Variants in KCNC4 observed in about 807,000 individuals in gnomAD.
The protein encoded by KCNC4 is voltage-gated potassium channel KCNC4.
A neutral mutation model predicts 42.8 loss-of-function variants in KCNC4; 23 were observed. That is an observed-to-expected ratio of 0.54 (90% CI 0.39 to 0.76). The LOEUF is 0.76. KCNC4 is among the 30% of genes least tolerant of loss of function. KCNC4 has a pLI of 0.00. For synonymous variants in KCNC4, 422 were observed against 393.5 expected, an observed-to-expected ratio of 1.07 and a Z score of -0.86; for missense variants, 751 against 898.2, an observed-to-expected ratio of 0.84 and a Z score of 2.10.
chr1:110,275,732 G>A (rs1484040825), intron 1 of KCNC4, among the ~76,000 whole-genome samples: 1 of 152,044 alleles, frequency 6.6e-6, no homozygotes, highest in Non-Finnish European at 1.5e-5. Flanking sequence ...GCCGAGGCGG[G>A]TGGATCATGA....
intron 1 of KCNC4, chr1:110,220,878 C>T (rs747077793): frequency 2.0e-5 from 3 of 152,210 alleles, no homozygotes; most frequent in Admixed American, 2.0e-4. Context: ...CTTAAATTTA[C>T]CTTCACAGGG....
Position 110,224,781 on chromosome 1 carries a change from T to G in KCNC4, c.1615+881T>G, listed in dbSNP as rs565563547. 3.3e-5 allele frequency: 5 copies of G among 152,404 alleles called. No individual in the cohort carries two copies. The East Asian group carries it at 9.6e-4, about 29-fold the overall frequency. The allele number at this position is 152,404 out of a possible 1,614,324, so 9.4% of individuals were successfully genotyped here. ...TGGAGAGAGGGAAAGGCATCCTGAC[T>G]GTTATGTGTAGGCTGGGCTCCTGGG... On this transcript the variant is annotated intron_variant, in intron 2 of 3. Transcript: ENST00000438661.
exon 4 of KCNC4, chr1:110,248,203 C>T (rs1263684537): frequency 6.6e-6 from 1 of 152,174 alleles, no homozygotes; most frequent in Non-Finnish European, 1.5e-5. Context: ...GTGGCTAGTG[C>T]CTCATGTCAA....
At chr1:110,229,373 G>A (rs923349501) in intron 3 of KCNC4, among the ~76,000 whole-genome samples, 1 of 152,182 alleles carries the variant, frequency 6.6e-6, no homozygotes, top group Non-Finnish European at 1.5e-5. Flanking sequence ...GCCGTGGGCG[G>A]GCTGCCTAGG....
downstream of KCNC4, among the ~76,000 whole-genome samples, chr1:110,283,372 C>T (rs1001807746): frequency 1.3e-5 from 2 of 152,146 alleles, no homozygotes; most frequent in Non-Finnish European, 2.9e-5. Context: ...GTATTCCTAC[C>T]AAGTATTCCC....
At chr1:110,249,090 A>G (rs1420853677) in exon 4 of KCNC4, 1 of 152,142 alleles carries the variant, frequency 6.6e-6, no homozygotes, top group Non-Finnish European at 1.5e-5. Context: ...TGCAGGAAGT[A>G]TGGAGCCCAG....
chr1:110,249,040 T>A (rs1659204829), exon 4 of KCNC4: 1 of 152,076 alleles, frequency 6.6e-6, no homozygotes, highest in African/African-American at 2.4e-5. Flanking sequence ...AAGGGTGAGG[T>A]CCTCTCAGGC....
intron 1 of KCNC4, among the ~76,000 whole-genome samples, chr1:110,281,815 T>G (rs1035519011): frequency 6.6e-6 from 1 of 152,206 alleles, no homozygotes; most frequent in Non-Finnish European, 1.5e-5. Flanking sequence ...ATCTCATGGA[T>G]GACTGATCAC....
chr1:110,225,387 G>C (rs1658329996), intron 2 of KCNC4: 1 of 152,312 alleles, frequency 6.6e-6, no homozygotes, highest in Non-Finnish European at 1.5e-5. Context: ...TGAGAGCTGC[G>C]TCGGAGCTTT....
intron 1 of KCNC4, chr1:110,222,711 C>T (rs1658165441): frequency 2.0e-6 from 1 of 502,412 alleles, no homozygotes; most frequent in African/African-American, 1.9e-5. Flanking sequence ...GCTGTAGATA[C>T]CTGACCAGTG....
intron 1 of KCNC4, among the ~76,000 whole-genome samples, chr1:110,279,400 T>C (rs1659783694): frequency 6.6e-6 from 1 of 152,246 alleles, no homozygotes; most frequent in African/African-American, 2.4e-5. Context: ...GGGCAAGTTC[T>C]GTCTCATTCA....
chr1:110,250,061 C>T (rs1168768405), downstream of KCNC4, among the ~76,000 whole-genome samples: 3 of 152,346 alleles, frequency 2.0e-5, no homozygotes, highest in African/African-American at 4.8e-5. Context: ...AAGAATTAGT[C>T]TCTGACAACA....
intron 1 of KCNC4, among the ~76,000 whole-genome samples, chr1:110,218,680 A>T (rs1173775976): frequency 6.6e-6 from 1 of 152,106 alleles, no homozygotes; most frequent in Admixed American, 6.5e-5. Context: ...TGAAGACCTT[A>T]AGGCTTGGAG....
At position 110,233,463 on chromosome 1, in the gene KCNC4, AGACTGC is replaced by A; in HGVS notation, c.*492_*497del. On this transcript the variant is annotated 3_prime_UTR_variant, in exon 4 of 4. Transcript: ENST00000438661. ...AACCTGGTGAAGTCTATTGAAGGCC[AGACTGC>A]CCCCTAGGGTCACTGCTTCACTAGC... is the stretch of plus-strand genomic sequence containing the variant. 1 of 187,696 alleles carries A rather than the reference AGACTGC, an allele frequency of 5.3e-6. No homozygotes were observed. Among genetic ancestry groups the A allele is most frequent in the East Asian group, 1.4e-4 (1 of 6,948 alleles). The allele number at this position is 187,696 out of a possible 1,614,324, so 11.6% of individuals were successfully genotyped here.
At chr1:110,236,312 TCA>T (rs1658905262), downstream of KCNC4, 1 of 152,202 alleles carries the variant, frequency 6.6e-6, no homozygotes, top group South Asian at 2.1e-4. Flanking sequence ...TTCTCCAAAG[TCA>T]CACAGCCATT....
chr1:110,250,529 C>T (rs1659232430), downstream of KCNC4, among the ~76,000 whole-genome samples: 1 of 152,210 alleles, frequency 6.6e-6, no homozygotes, highest in Non-Finnish European at 1.5e-5. Context: ...GAGTTATCCT[C>T]TTGGAGAAAT....
intron 3 of KCNC4, among the ~76,000 whole-genome samples, chr1:110,227,536 G>A (rs532269450): frequency 7.9e-5 from 12 of 152,316 alleles, no homozygotes; most frequent in East Asian, 5.8e-4. Flanking sequence ...CTCTACCCTC[G>A]CCTGTGTTCC....
chr1:110,279,956 TTTTTGTATTTTTAGTAGAGACGGGG>T (rs1323477419), intron 1 of KCNC4, among the ~76,000 whole-genome samples: 56 of 152,004 alleles, frequency 3.7e-4, no homozygotes, highest in Non-Finnish European at 4.3e-4. Context: ...CTCAGTTAAT[TTTTTGTATTTTTAGTAGAGACGGGG>T]TTTCATCATG....
intron 3 of KCNC4, chr1:110,226,437 A>G (rs2101025781): frequency 1.9e-6 from 1 of 522,384 alleles, no homozygotes; most frequent in South Asian, 2.0e-5. Context: ...AAGGGTGCAC[A>G]AGGCCAGGGT....
Sources: allele counts gnomAD v4.1 joint callset (sites outside exome capture counted in the v4.1 genomes callset), GRCh38; gene constraint gnomAD v4.1.1; transcripts MANE v1.5; gene names NCBI Gene and HGNC (gene_info 2026-07-23, HGNC 2026-07-21).